The following CLIP4 variants were observed in gnomAD, a reference collection of about 807,000 sequenced individuals.
CLIP4 encodes the protein CAP-Gly domain containing linker protein family member 4.
A neutral mutation model predicts 73.1 loss-of-function variants in CLIP4; 47 were observed. The ratio of observed to expected loss-of-function variants is 0.64; its 90% CI spans 0.51 to 0.82. The LOEUF (loss-of-function observed/expected upper bound fraction) is 0.82. Ranked by LOEUF, CLIP4 falls within the 40% of genes least tolerant of loss-of-function variation. The pLI, the probability that CLIP4 is intolerant of heterozygous loss-of-function variation, is 0.00. For synonymous variants in CLIP4, 306 were observed against 295.4 expected (o/e 1.04, Z -0.37); for missense variants, 874 against 852.9 (o/e 1.02, Z -0.31).
chr2:29,175,952 G>A (rs996353058), intron 15 of CLIP4, among the ~76,000 whole-genome samples: 4 of 152,038 alleles, frequency 2.6e-5, no homozygotes, highest in African/African-American at 7.3e-5. Flanking sequence ...TAGTAGAGAC[G>A]GGATTTCACT....
Position 29,145,221 on chromosome 2 carries a change from A to G in CLIP4, c.886-11A>G. The G allele has an allele frequency of 1.2e-6, 2 of 1,609,224 alleles. No homozygotes were observed. The highest frequency in any genetic ancestry group is 1.3e-5 in the African/African-American group (1 of 74,796). Reference sequence around the variant, plus strand: ...ATTCCCCAAAATTATTCTGGTTTATATTTTCTTTAGGTTGGTACATTAAGA... The same window carrying G: ...ATTCCCCAAAATTATTCTGGTTTATGTTTTCTTTAGGTTGGTACATTAAGA... On this transcript the variant is annotated splice_polypyrimidine_tract_variant and intron_variant, in intron 7 of 15. Coordinates refer to ENST00000320081, the MANE Select transcript of CLIP4 (RefSeq NM_024692.6).
chr2:29,157,278 C>G lies in CLIP4; in HGVS notation c.1330C>G (p.Gln444Glu), dbSNP rs1422020074. Reference protein sequence around the residue: ...LEHRQSYPKKQNAISSNKKTM... With the variant: ...LEHRQSYPKKENAISSNKKTM... ...ACACAGACAGAGCTACCCCAAGAAA[C>G]AGAATGCAATCAGCAGTAACAAGAA... The change falls in exon 11 of 16, where the codon CAG (glutamine) becomes GAG (glutamate). Residue 444 changes from glutamine (Q) to glutamate (E), a missense_variant. Gln to Glu is a conservative substitution (Grantham distance 29). Coordinates refer to ENST00000320081, the MANE Select transcript of CLIP4 (RefSeq NM_024692.6). The G allele has an allele frequency of 3.1e-6, 5 of 1,614,042 alleles. No homozygotes were observed. The highest frequency in any genetic ancestry group is 3.4e-6 in the Non-Finnish European group (4 of 1,180,016).
chr2:29,147,278 G>T (rs964858685), intron 8 of CLIP4, among the ~76,000 whole-genome samples: 1 of 151,958 alleles, frequency 6.6e-6, no homozygotes, highest in African/African-American at 2.4e-5. Flanking sequence ...TTGCCTGTTT[G>T]TATTATTTTC....
chr2:29,122,276 C>T (rs190976630), intron 2 of CLIP4, among the ~76,000 whole-genome samples: 12 of 147,348 alleles, frequency 8.1e-5, no homozygotes, highest in Admixed American at 3.4e-4. Flanking sequence ...TCTTTAGCAG[C>T]TTACCTAGAC....
chr2:29,140,394 A>G (rs1423843046), intron 6 of CLIP4, among the ~76,000 whole-genome samples: 1 of 152,018 alleles, frequency 6.6e-6, no homozygotes, highest in African/African-American at 2.4e-5. Context: ...CCATGTCCCT[A>G]CAAAGGACAT....
Position 29,181,684 on chromosome 2 carries a change from A to G in CLIP4, c.1909A>G (p.Met637Val). The part of the protein sequence containing the change: ...SQVLLTSSNE[M>V]GTVRYVGPTD... ...GGTCCTGCTCACGAGCTCCAATGAG[A>G]TGGGTACTGTTAGGTATGTGGGCCC... is the stretch of plus-strand genomic sequence containing the variant. The change falls in exon 16 of 16, where the codon ATG becomes GTG. Residue 637 changes from methionine (M) to valine (V), a missense_variant. Transcript: ENST00000320081. The G allele has an allele frequency of 1.2e-6, 2 of 1,614,124 alleles. No individual in the cohort carries two copies.
intron 2 of CLIP4, among the ~76,000 whole-genome samples, chr2:29,124,631 AT>A (rs1377562751): frequency 5.3e-5 from 8 of 151,654 alleles, no homozygotes; most frequent in South Asian, 2.1e-4. Flanking sequence ...ATATTTAAAC[AT>A]TTTTTTCTCT....
intron 1 of CLIP4, among the ~76,000 whole-genome samples, chr2:29,116,081 T>A: frequency 6.6e-6 from 1 of 152,136 alleles, no homozygotes; most frequent in East Asian, 1.9e-4. Flanking sequence ...CCTTGCGCAT[T>A]AAATTGTCGA....
At chr2:29,168,983 A>G (rs538462064) in intron 14 of CLIP4, among the ~76,000 whole-genome samples, 95 of 148,178 alleles carry the variant, frequency 6.4e-4, no homozygotes, top group African/African-American at 2.2e-3. Flanking sequence ...TTTTTTTTGC[A>G]TGGATAACCA....
intron 2 of CLIP4, among the ~76,000 whole-genome samples, chr2:29,131,052 C>A (rs1157922754): frequency 2.0e-5 from 3 of 152,014 alleles, no homozygotes; most frequent in Non-Finnish European, 4.4e-5. Flanking sequence ...ATAATACCTG[C>A]CAGGTAAGGT....
intron 15 of CLIP4, among the ~76,000 whole-genome samples, chr2:29,177,572 C>G (rs1306783833): frequency 6.6e-6 from 1 of 151,650 alleles, no homozygotes; most frequent in Non-Finnish European, 1.5e-5. Flanking sequence ...CAGCAAGACT[C>G]TGTTTCAAAA....
intron 13 of CLIP4, among the ~76,000 whole-genome samples, chr2:29,167,031 T>C (rs2148074431): frequency 6.6e-6 from 1 of 152,294 alleles, no homozygotes; most frequent in Admixed American, 6.5e-5. Context: ...AAGTAAAAGA[T>C]GTTGAATTGT....
chr2:29,122,656 G>A (rs773317351), intron 2 of CLIP4, among the ~76,000 whole-genome samples: 3 of 151,592 alleles, frequency 2.0e-5, no homozygotes, highest in African/African-American at 4.8e-5. Context: ...TTGAAACCCC[G>A]TCTCTACTAA....
chr2:29,166,166 A>G (rs982357111), intron 13 of CLIP4, among the ~76,000 whole-genome samples: 13 of 152,092 alleles, frequency 8.5e-5, no homozygotes, highest in African/African-American at 2.9e-4. Context: ...TTCTAATCTG[A>G]ACCAGCTTTG....
At chr2:29,138,306 G>A (rs959712956) in intron 6 of CLIP4, among the ~76,000 whole-genome samples, 21 of 152,214 alleles carry the variant, frequency 1.4e-4, no homozygotes, top group African/African-American at 4.8e-4. Context: ...TCAAAGATCA[G>A]TTGGTTGTGT....
intron 4 of CLIP4, 59 bp downstream of exon 4, chr2:29,132,304 CTA>C (rs1665030962): frequency 1.5e-6 from 2 of 1,343,416 alleles, no homozygotes; most frequent in Non-Finnish European, 2.1e-6. Flanking sequence ...CTTAGATAAT[CTA>C]TATTTATGCC....
intron 2 of CLIP4, among the ~76,000 whole-genome samples, chr2:29,129,426 A>G (rs1558525557): frequency 6.6e-6 from 1 of 152,072 alleles, no homozygotes; most frequent in Non-Finnish European, 1.5e-5. Context: ...TATTGAACAT[A>G]CATAGCTATA....
chr2:29,106,056 CT>C (rs34819898), intron 1 of CLIP4, among the ~76,000 whole-genome samples: 827 of 144,506 alleles, frequency 5.7e-3, no homozygotes, highest in African/African-American at 0.011. Flanking sequence ...AGCATTTAAT[CT>C]TTTTTTTTTT....
chr2:29,148,740 G>A (rs551426657), intron 8 of CLIP4, among the ~76,000 whole-genome samples: 1 of 152,278 alleles, frequency 6.6e-6, no homozygotes, highest in South Asian at 2.1e-4. Context: ...TGAAGAGAGA[G>A]ATTTAGTTCT....
Sources: gnomAD v4.1 joint callset for allele counts (sites outside exome capture counted in the v4.1 genomes callset) on GRCh38, gnomAD v4.1.1 for gene constraint, MANE v1.5 for transcripts, NCBI Gene and HGNC (gene_info 2026-07-23, HGNC 2026-07-21) for gene names.